YWHAQ: variants seen among roughly 807,000 people sequenced by gnomAD.
The protein encoded by YWHAQ is tyrosine 3-monooxygenase/tryptophan 5-monooxygenase activation protein theta, also known as 14-3-3 protein theta.
A neutral mutation model predicts 28.3 loss-of-function variants in YWHAQ; 6 were observed. The ratio of observed to expected loss-of-function variants is 0.21; its 90% CI spans 0.12 to 0.42. YWHAQ has a LOEUF of 0.42. Among genes scored for constraint, YWHAQ ranks in the 10% least tolerant of loss-of-function variants. The pLI, the probability that YWHAQ is intolerant of heterozygous loss-of-function variation, is 1.00. For synonymous variants in YWHAQ, 143 were observed against 119.1 expected (o/e 1.20, Z -1.31); for missense variants, 201 against 305.6 (o/e 0.66, Z 2.55).
At chr2:9,615,110 A>G (rs1667018648) in intron 2 of YWHAQ, among the ~76,000 whole-genome samples, 1 of 152,202 alleles carries the variant, frequency 6.6e-6, no homozygotes, top group African/African-American at 2.4e-5. Flanking sequence ...TGAATTGGGC[A>G]TAATTTACTT....
Position 9,602,838 on chromosome 2 carries a change from A to G in YWHAQ, c.295-11323T>C, listed in dbSNP as rs1219930041. ...ACCACCATGCCTAATTTAAAAAAAA[A>G]AAAAAAAAAAAAAAAAAAAAAAAAA... On this transcript the variant is annotated intron_variant, in intron 2 of 5. Coordinates refer to ENST00000238081, the MANE Select transcript of YWHAQ (RefSeq NM_006826.4). 7.0e-3 allele frequency among the ~76,000 whole-genome samples: 173 copies of G among 24,694 alleles called. 5 individuals carry two copies. The highest frequency in any genetic ancestry group is 0.024 in the African/African-American group (168 of 7,062). The allele number at this position is 24,694 out of a possible 152,430, so 16.2% of individuals were successfully genotyped here.
chr2:9,595,758 A>ATTTCTTC (rs1666557374), intron 2 of YWHAQ, among the ~76,000 whole-genome samples: 3 of 150,946 alleles, frequency 2.0e-5, no homozygotes, highest in African/African-American at 7.3e-5. Context: ...TCCCCCACTG[A>ATTTCTTC]TTTCTTCTGT....
At chr2:9,593,905 A>AAAAATATAT (rs1205661739) in intron 2 of YWHAQ, among the ~76,000 whole-genome samples, 5 of 127,628 alleles carry the variant, frequency 3.9e-5, no homozygotes, top group African/African-American at 1.5e-4. Context: ...GATTAAAAAA[A>AAAAATATAT]ATATATATAT....
At chr2:9,611,220 T>C (rs1006081698) in intron 2 of YWHAQ, among the ~76,000 whole-genome samples, 7 of 152,192 alleles carry the variant, frequency 4.6e-5, no homozygotes, top group African/African-American at 1.7e-4. Context: ...GTGGAGACGA[T>C]GGTCATTCAA....
chr2:9,592,691 C>T (rs1227725141), intron 2 of YWHAQ, among the ~76,000 whole-genome samples: 2 of 152,162 alleles, frequency 1.3e-5, no homozygotes, highest in Non-Finnish European at 2.9e-5. Flanking sequence ...TGCTACTGCA[C>T]TGCAGCCCGG....
At chr2:9,601,112 T>C (rs967685565) in intron 2 of YWHAQ, among the ~76,000 whole-genome samples, 4 of 152,324 alleles carry the variant, frequency 2.6e-5, no homozygotes, top group South Asian at 2.1e-4. Flanking sequence ...TTTTCATTCT[T>C]AGAAATATCC....
chr2:9,591,595 A>G (rs1572987150), intron 2 of YWHAQ, 80 bp from the exon 3 acceptor site: 1 of 1,509,286 alleles, frequency 6.6e-7, no homozygotes, highest in Non-Finnish European at 8.9e-7. Context: ...ACTTCTGCCT[A>G]GCGGGCATTT....
intron 2 of YWHAQ, among the ~76,000 whole-genome samples, chr2:9,625,165 G>A (rs1264389160): frequency 6.6e-6 from 1 of 150,912 alleles, no homozygotes; most frequent in Non-Finnish European, 1.5e-5. Flanking sequence ...GGGAGGCTGA[G>A]GCAGGAGAAT....
At chr2:9,599,675 A>C (rs1666649266) in intron 2 of YWHAQ, among the ~76,000 whole-genome samples, 1 of 152,198 alleles carries the variant, frequency 6.6e-6, no homozygotes. Context: ...CCTACTGCTC[A>C]GAAAAAAAAG....
rs140539833 is a variant in YWHAQ at position 9,594,507 on chromosome 2, T to C, written c.295-2992A>G. 7.8e-4 allele frequency among the ~76,000 whole-genome samples: 118 copies of C among 152,216 alleles called. 1 individual carries two copies. The highest frequency in any genetic ancestry group is 2.6e-3 in the Admixed American group (39 of 15,270). ...CTTTAAATGAGTGGATTCTGAGAAGTAGTATCAAAGAAGGCAAACATAGTA... is the reference window on the plus strand; with the variant it reads ...CTTTAAATGAGTGGATTCTGAGAAGCAGTATCAAAGAAGGCAAACATAGTA... On this transcript the variant is annotated intron_variant, in intron 2 of 5. Coordinates refer to ENST00000238081, the MANE Select transcript of YWHAQ (RefSeq NM_006826.4).
chr2:9,624,886 G>A (rs142174597), intron 2 of YWHAQ, among the ~76,000 whole-genome samples: 1,860 of 151,680 alleles, frequency 0.012, 42 homozygotes, highest in African/African-American at 0.043. Flanking sequence ...GGGATTACAG[G>A]TGCCCGCCAC....
intron 4 of YWHAQ, 137 bp from the exon 5 acceptor site, chr2:9,587,646 C>T (rs1480897581): frequency 3.1e-6 from 2 of 648,134 alleles, no homozygotes; most frequent in African/African-American, 3.7e-5. Context: ...GAACCATTCT[C>T]TCACACTCCC....
intron 2 of YWHAQ, among the ~76,000 whole-genome samples, chr2:9,618,867 A>G (rs546376011): frequency 4.6e-5 from 7 of 152,240 alleles, no homozygotes; most frequent in Admixed American, 1.3e-4. Flanking sequence ...ACTAGAAAAA[A>G]TGATCAGAGA....
Position 9,630,625 on chromosome 2 carries a change from C to T in YWHAQ, c.-82-91G>A. 1 of 593,134 alleles carries T rather than the reference C, an allele frequency of 1.7e-6. No homozygotes were observed. Among genetic ancestry groups the T allele is most frequent in the South Asian group, 2.5e-5 (1 of 40,250 alleles). The allele number at this position is 593,134 out of a possible 1,614,324, so 36.7% of individuals were successfully genotyped here. A position where few individuals can be genotyped will look rare whatever the true frequency, so the allele number is the denominator to read the frequency against. ...GCCCGCCGCCCGCTTTTGTCTCCCG[C>T]ACACGCGGCCGCTTGAATTTCCCTC... On this transcript the variant is annotated intron_variant, in intron 1 of 5. Coordinates refer to ENST00000238081, the MANE Select transcript of YWHAQ (RefSeq NM_006826.4). The surrounding 1 kb of genome is among the most constrained non-coding windows in gnomAD (Gnocchi z 5.6).
In YWHAQ at chr2:9,611,917, C is replaced by T. The variant is rs536945451; in HGVS notation, c.294+18242G>A. ...CTCCTGGGCTCATGTGATCTACCCGCCTTGGCCTCCCAAAGCGCTGGAATT... is the reference window on the plus strand; with the variant it reads ...CTCCTGGGCTCATGTGATCTACCCGTCTTGGCCTCCCAAAGCGCTGGAATT... On this transcript the variant is annotated intron_variant, in intron 2 of 5. Coordinates refer to ENST00000238081, the MANE Select transcript of YWHAQ (RefSeq NM_006826.4). Among the ~76,000 whole-genome samples the T allele has an allele frequency of 5.9e-5, 9 of 152,356 alleles. No individual in the cohort carries two copies. The East Asian group carries it at 1.7e-3, about 29-fold the overall frequency.
intron 2 of YWHAQ, among the ~76,000 whole-genome samples, chr2:9,625,375 A>T (rs566425820): frequency 2.0e-5 from 3 of 152,182 alleles, no homozygotes; most frequent in Non-Finnish European, 2.9e-5. Context: ...TATTGTGTGT[A>T]TAAGAAAGTC....
At chr2:9,591,311 A>G in intron 3 of YWHAQ, 81 bp downstream of exon 3, 1 of 1,495,752 alleles carries the variant, frequency 6.7e-7, no homozygotes, top group East Asian at 2.3e-5. Context: ...CCTGAAGACT[A>G]CGTATACTGT....
chr2:9,619,972 G>A (rs529091752), intron 2 of YWHAQ, among the ~76,000 whole-genome samples: 18 of 152,292 alleles, frequency 1.2e-4, no homozygotes, highest in African/African-American at 4.1e-4. Flanking sequence ...GGAAAATGGA[G>A]TACTAATTAT....
At chr2:9,629,245 C>G (rs1573010194) in intron 2 of YWHAQ, among the ~76,000 whole-genome samples, 1 of 152,148 alleles carries the variant, frequency 6.6e-6, no homozygotes, top group Non-Finnish European at 1.5e-5. Flanking sequence ...GATTATTTCC[C>G]ATTTTATTCA....
Sources: allele counts gnomAD v4.1 joint callset (sites outside exome capture counted in the v4.1 genomes callset), GRCh38; gene constraint gnomAD v4.1.1; non-coding constraint Gnocchi (gnomAD v3.1); transcripts MANE v1.5; gene names NCBI Gene and HGNC (gene_info 2026-07-23, HGNC 2026-07-21).